Variants in RADX observed in about 807,000 individuals in gnomAD.
RADX encodes the protein RPA-related protein RADX.
RADX carries 36 observed loss-of-function variants against 61.6 expected under a neutral mutation model. The observed-to-expected ratio is 0.58, with a 90% CI of 0.45 to 0.77. The LOEUF is 0.77. RADX is among the 30% of genes least tolerant of loss of function. The probability of loss-of-function intolerance (pLI) is 0.00; values close to 1 mark genes in which losing one functional copy is unlikely to be tolerated. For missense variants in RADX, 497 were observed against 651.1 expected (o/e 0.76, Z 2.58); for synonymous variants, 272 against 237.9 (o/e 1.14, Z -1.32).
intron 3 of RADX, among the ~76,000 whole-genome samples, chrX:106,627,012 A>G (rs986612522): frequency 1.8e-5 from 2 of 112,310 alleles, no homozygotes; most frequent in African/African-American, 6.5e-5. Context: ...ATGTAAAGGA[A>G]TGTATATGGC....
intron 1 of RADX, among the ~76,000 whole-genome samples, chrX:106,617,587 T>C (rs954132088): frequency 1.3e-4 from 14 of 111,951 alleles, no homozygotes; most frequent in African/African-American, 4.5e-4. Flanking sequence ...AATGTATTAT[T>C]GTTGAGTTTT....
chrX:106,656,538 T>G (rs1927944732), intron 11 of RADX, among the ~76,000 whole-genome samples: 1 of 112,118 alleles, frequency 8.9e-6, no homozygotes, highest in Non-Finnish European at 1.9e-5. Context: ...CTATGGTAGC[T>G]ATAGCCTTAT....
chrX:106,647,302 G>T (rs921007521), intron 10 of RADX, among the ~76,000 whole-genome samples: 10 of 110,776 alleles, frequency 9.0e-5, no homozygotes, highest in African/African-American at 3.3e-4. Flanking sequence ...TTCTATCCAT[G>T]TCATTGCAAA....
chrX:106,655,016 C>T (rs1927902160), intron 11 of RADX, among the ~76,000 whole-genome samples: 1 of 111,405 alleles, frequency 9.0e-6, no homozygotes, highest in South Asian at 3.8e-4. Context: ...TAATTGCAGG[C>T]GTACCTCAGA....
intron 12 of RADX, among the ~76,000 whole-genome samples, chrX:106,665,604 A>G (rs1012909805): frequency 1.3e-4 from 14 of 109,813 alleles, no homozygotes; most frequent in African/African-American, 4.6e-4. Flanking sequence ...AGACTGCCTA[A>G]ACCAATTCAG....
chrX:106,637,877 A>G lies in RADX; in HGVS notation c.1526A>G (p.Tyr509Cys). 2 of 1,207,627 alleles carry G rather than the reference A, an allele frequency of 1.7e-6. No homozygotes were observed. Among genetic ancestry groups the G allele is most frequent in the South Asian group, 1.8e-5 (1 of 56,855 alleles). ...KNMVIGGYYP[Y>C]PPVPETFSKY... ...ATGGTTATTGGTGGATATTACCCCT[A>G]TCCACCAGTGCCAGAGACATTTTCC... The change falls in exon 8 of 14, where the codon TAT becomes TGT. Residue 509 changes from tyrosine to cysteine, a missense_variant. Physicochemically the swap from Tyr to Cys is radical, Grantham distance 194 (BLOSUM62 -2). This residue lies in a region of RADX where 267 missense variants were observed against 306.9 expected (regional missense o/e 0.87). Transcript: ENST00000372548.
chrX:106,664,514 A>G (rs1186205289), intron 12 of RADX, among the ~76,000 whole-genome samples: 3 of 112,057 alleles, frequency 2.7e-5, no homozygotes, highest in Non-Finnish European at 5.6e-5. Flanking sequence ...TGCTTCGTGC[A>G]TCAACATTTT....
At chrX:106,655,255 C>A (rs750694875) in intron 11 of RADX, among the ~76,000 whole-genome samples, 7 of 109,220 alleles carry the variant, frequency 6.4e-5, no homozygotes, top group African/African-American at 2.0e-4. Context: ...TTTTTGCTGG[C>A]GGAGGGTCTT....
intron 13 of RADX, among the ~76,000 whole-genome samples, chrX:106,670,267 T>A (rs1928333609): frequency 1.8e-5 from 2 of 111,377 alleles, no homozygotes; most frequent in African/African-American, 6.5e-5. Flanking sequence ...CCTTAGACTT[T>A]CAGTAATTTC....
intron 1 of RADX, among the ~76,000 whole-genome samples, chrX:106,621,529 A>T (rs778157972): frequency 8.9e-6 from 1 of 112,317 alleles, no homozygotes; most frequent in African/African-American, 3.2e-5. Context: ...CCAAGGAAGA[A>T]TACATCAGTA....
At position 106,612,120 on chromosome X, in the gene RADX, C is replaced by A; in HGVS notation, c.40C>A (p.His14Asn). The stretch of plus-strand genomic sequence containing the variant: ...AGGACAGCCTGAGGCTGGTCCCTCA[C>A]ATGCAGGGCTAGATTGGCCGAACCC... ...ESGQPEAGPS[H>N]AGLDWPNPER... The change falls in exon 1 of 14, where the codon CAT (histidine) becomes AAT (asparagine). Residue 14 changes from histidine to asparagine, a missense_variant. Coordinates refer to ENST00000372548, the MANE Select transcript of RADX (RefSeq NM_018015.6). The A allele has an allele frequency of 8.3e-7, 1 of 1,211,044 alleles. No individual in the cohort carries two copies.
chrX:106,656,560 C>T (rs1475230502), intron 11 of RADX, among the ~76,000 whole-genome samples: 1 of 111,777 alleles, frequency 8.9e-6, no homozygotes, highest in African/African-American at 3.3e-5. Context: ...AAATGCATTT[C>T]TTAAGAATTA....
intron 10 of RADX, among the ~76,000 whole-genome samples, chrX:106,644,047 TG>T (rs1485602342): frequency 9.0e-6 from 1 of 111,574 alleles, no homozygotes; most frequent in Non-Finnish European, 1.9e-5. Context: ...CTGTCGTAAA[TG>T]GGATTACTTT....
intron 13 of RADX, among the ~76,000 whole-genome samples, chrX:106,677,253 T>G (rs750671693): frequency 2.5e-4 from 28 of 112,381 alleles, no homozygotes; most frequent in African/African-American, 8.1e-4. Flanking sequence ...AGCAGCCATC[T>G]TCATGACTGC....
chrX:106,652,144 C>A (rs988202766), intron 11 of RADX, among the ~76,000 whole-genome samples: 1 of 111,027 alleles, frequency 9.0e-6, no homozygotes, highest in African/African-American at 3.3e-5. Flanking sequence ...CAGTTACATG[C>A]TACATATAAG....
Position 106,632,689 on chromosome X carries a change from A to G in RADX, c.1044A>G (p.Lys348=). 8.3e-7 allele frequency: 1 copy of G among 1,198,288 alleles called. No homozygotes were observed. Among genetic ancestry groups the G allele is most frequent in the South Asian group, 1.8e-5 (1 of 55,612 alleles). Residue 348 remains lysine, a synonymous_variant, in exon 4 of 14, where the codon AAA becomes AAG. Transcript: ENST00000372548. ...NIIIIPEKQV[K]PEWRLPKLNH... ...TTATCATTCCAGAAAAGCAGGTGAA[A>G]CCAGAATGGAGACTGCCAAAGCTAA...
chrX:106,679,030 GA>G lies in RADX; in HGVS notation c.*776del, dbSNP rs1159885778. On this transcript the variant is annotated 3_prime_UTR_variant, in exon 14 of 14. Transcript: ENST00000372548. The stretch of plus-strand genomic sequence containing the variant: ...ATTTCAAATGCTCATATTGAAAATG[GA>G]AAATAGTAAACACGGGAATTGATTT... 8.9e-6 allele frequency: 1 copy of G among 112,090 alleles called. No individual in the cohort carries two copies. The highest frequency in any genetic ancestry group is 3.3e-5 in the African/African-American group (1 of 30,756). The allele number at this position is 112,090 out of a possible 1,213,427, so 9.2% of individuals were successfully genotyped here.
At chrX:106,636,274 G>A (rs1173504882) in intron 6 of RADX, among the ~76,000 whole-genome samples, 1 of 111,484 alleles carries the variant, frequency 9.0e-6, no homozygotes, top group African/African-American at 3.3e-5. Context: ...AAAAAAAGGG[G>A]CCTCTCGCAA....
At chrX:106,638,323 C>T in intron 8 of RADX, 1 of 116,916 alleles carries the variant, frequency 8.6e-6, no homozygotes, top group Non-Finnish European at 1.8e-5. Context: ...AGTGCAGTGG[C>T]GGGATCTCGG....
Sources: allele counts gnomAD v4.1 joint callset (sites outside exome capture counted in the v4.1 genomes callset), GRCh38; gene constraint gnomAD v4.1.1; regional missense constraint gnomAD v4.1.1; transcripts MANE v1.5; gene names NCBI Gene and HGNC (gene_info 2026-07-23, HGNC 2026-07-21).